The following ROBO1 variants were observed in gnomAD, a reference collection of about 807,000 sequenced individuals.
ROBO1 encodes the protein roundabout guidance receptor 1.
In ROBO1, 149 loss-of-function variants were observed where a neutral mutation model predicts 195.9. That is an observed-to-expected ratio of 0.76 (90% CI 0.67 to 0.87). The LOEUF (loss-of-function observed/expected upper bound fraction) is 0.87, where lower values mean the gene tolerates loss of function less well. Among genes scored for constraint, ROBO1 ranks in the 40% least tolerant of loss-of-function variants. The pLI is 0.00. For synonymous variants in ROBO1, 816 were observed against 733.2 expected, an observed-to-expected ratio of 1.11 and a Z score of -1.82; for missense variants, 1,933 against 2,068.3, an observed-to-expected ratio of 0.93 and a Z score of 1.27.
At chr3:79,320,066 T>C (rs979980626) in intron 2 of ROBO1, among the ~76,000 whole-genome samples, 5 of 152,176 alleles carry the variant, frequency 3.3e-5, no homozygotes, top group African/African-American at 1.2e-4. Flanking sequence ...TAGGCATCTA[T>C]AACAAAGTAC....
intron 8 of ROBO1, among the ~76,000 whole-genome samples, chr3:78,695,015 T>C (rs115243467): frequency 5.9e-5 from 9 of 151,842 alleles, no homozygotes; most frequent in African/African-American, 9.7e-5. Flanking sequence ...TAATTTAAAA[T>C]TTTTAATGCA....
rs200651508 is a variant in ROBO1, at chr3:79,023,850, C to G, written c.173-84923G>C. Among the ~76,000 whole-genome samples, 8 of 151,324 alleles carry G rather than the reference C, an allele frequency of 5.3e-5. No individual in the cohort carries two copies. In the East Asian group the frequency reaches 1.6e-3, roughly 30 times the overall value. ...TCCCAGGTAGCTGGGATTACAGGTGCTGGCCACCACACCCGGCTATTTTTT... is the reference window on the plus strand; with the variant it reads ...TCCCAGGTAGCTGGGATTACAGGTGGTGGCCACCACACCCGGCTATTTTTT... On this transcript the variant is annotated intron_variant, in intron 3 of 30. Transcript: ENST00000464233.
chr3:79,726,043 C>T (rs2107323670), intron 1 of ROBO1, among the ~76,000 whole-genome samples: 1 of 152,284 alleles, frequency 6.6e-6, no homozygotes, highest in East Asian at 1.9e-4. Flanking sequence ...AAGAGTCTGG[C>T]AGCCATTCTC....
At chr3:78,639,077 C>T (rs1043724759) in intron 22 of ROBO1, among the ~76,000 whole-genome samples, 3 of 149,164 alleles carry the variant, frequency 2.0e-5, no homozygotes, top group Non-Finnish European at 4.5e-5. Flanking sequence ...ACCCAGGAGG[C>T]GGAGGTTGCA....
chr3:78,777,818 C>A (rs113339897), intron 4 of ROBO1, among the ~76,000 whole-genome samples: 1 of 152,078 alleles, frequency 6.6e-6, no homozygotes, highest in African/African-American at 2.4e-5. Flanking sequence ...TATTTGAATA[C>A]CCTTTATTTC....
At chr3:78,883,732 A>G (rs1002189816) in intron 4 of ROBO1, among the ~76,000 whole-genome samples, 8 of 152,122 alleles carry the variant, frequency 5.3e-5, no homozygotes, top group African/African-American at 1.4e-4. Flanking sequence ...TATTTTAAAT[A>G]TAGTATAGTT....
chr3:79,137,750 C>T (rs116099163), intron 2 of ROBO1, among the ~76,000 whole-genome samples: 37 of 152,130 alleles, frequency 2.4e-4, no homozygotes, highest in African/African-American at 8.9e-4. Context: ...CAAATTATTT[C>T]TGACTCCAAA....
intron 1 of ROBO1, among the ~76,000 whole-genome samples, chr3:79,689,095 A>C (rs1164455360): frequency 2.6e-5 from 4 of 151,988 alleles, no homozygotes; most frequent in African/African-American, 9.7e-5. Context: ...ATAGTCATCG[A>C]AAAATTGGAT....
At chr3:78,857,621 C>G (rs1271399177) in intron 4 of ROBO1, among the ~76,000 whole-genome samples, 1 of 152,180 alleles carries the variant, frequency 6.6e-6, no homozygotes, top group Non-Finnish European at 1.5e-5. Flanking sequence ...GGCAAACTCT[C>G]AGACCCCACC....
intron 2 of ROBO1, among the ~76,000 whole-genome samples, chr3:79,329,982 A>G (rs2034366185): frequency 1.3e-5 from 2 of 152,084 alleles, no homozygotes; most frequent in South Asian, 4.1e-4. Flanking sequence ...CGCAGATGGT[A>G]AAAACAATTG....
intron 3 of ROBO1, among the ~76,000 whole-genome samples, chr3:79,077,611 A>T (rs552924892): frequency 2.4e-4 from 37 of 152,028 alleles, no homozygotes; most frequent in Admixed American, 2.1e-3. Context: ...TTATATTGTC[A>T]GGCAAGAAAT....
chr3:79,104,539 A>G (rs2079740263), intron 3 of ROBO1, among the ~76,000 whole-genome samples: 1 of 151,484 alleles, frequency 6.6e-6, no homozygotes, highest in African/African-American at 2.4e-5. Context: ...GATTTTTTTT[A>G]TTATTAGTTC....
chr3:79,567,251 G>A (rs889554223), intron 2 of ROBO1, among the ~76,000 whole-genome samples: 2 of 152,072 alleles, frequency 1.3e-5, no homozygotes, highest in Non-Finnish European at 2.9e-5. Context: ...GGTGTCTATT[G>A]GAGTGTAGAG....
chr3:78,958,664 T>G (rs2041168250), intron 3 of ROBO1, among the ~76,000 whole-genome samples: 1 of 152,104 alleles, frequency 6.6e-6, no homozygotes, highest in Admixed American at 6.5e-5. Context: ...GATTAACCAA[T>G]TCTTTTAAAT....
chr3:79,173,369 G>A (rs185144720), intron 2 of ROBO1, among the ~76,000 whole-genome samples: 22 of 152,236 alleles, frequency 1.4e-4, no homozygotes, highest in East Asian at 9.8e-4. Context: ...AGGGCTGCGC[G>A]CGGTGCTTGC....
At chr3:78,635,416 T>A (rs1033513092) in intron 23 of ROBO1, among the ~76,000 whole-genome samples, 1 of 152,160 alleles carries the variant, frequency 6.6e-6, no homozygotes, top group African/African-American at 2.4e-5. Flanking sequence ...TTATCTTCCA[T>A]CCTCTAGTGG....
At chr3:79,721,988 A>G (rs1702723326) in intron 1 of ROBO1, among the ~76,000 whole-genome samples, 1 of 152,214 alleles carries the variant, frequency 6.6e-6, no homozygotes, top group Non-Finnish European at 1.5e-5. Flanking sequence ...GTAGCTTTTT[A>G]ATTAAAACAT....
chr3:78,610,447 C>T (rs914779142), intron 28 of ROBO1, among the ~76,000 whole-genome samples: 1 of 152,068 alleles, frequency 6.6e-6, no homozygotes, highest in African/African-American at 2.4e-5. Flanking sequence ...GGAAAAAAGT[C>T]TAATTCAGAA....
intron 3 of ROBO1, among the ~76,000 whole-genome samples, chr3:79,091,515 G>A (rs1323350432): frequency 1.3e-5 from 2 of 152,056 alleles, no homozygotes; most frequent in African/African-American, 4.8e-5. Flanking sequence ...AATATTCTAG[G>A]TGTGGGAAAT....
Sources: gnomAD v4.1 joint callset for allele counts (sites outside exome capture counted in the v4.1 genomes callset) on GRCh38, gnomAD v4.1.1 for gene constraint, MANE v1.5 for transcripts, NCBI Gene and HGNC (gene_info 2026-07-23, HGNC 2026-07-21) for gene names.